The following MET variants were observed in gnomAD, a reference collection of about 807,000 sequenced individuals.
The protein encoded by MET is MET proto-oncogene, receptor tyrosine kinase.
In MET, 48 loss-of-function variants were observed where a neutral mutation model predicts 133.1. The ratio of observed to expected loss-of-function variants is 0.36; its 90% confidence interval spans 0.29 to 0.46. The LOEUF is 0.46. Among genes scored for constraint, MET ranks in the 20% least tolerant of loss-of-function variants. The pLI is 1.00. For missense variants in MET, 1,442 were observed against 1,695.9 expected (o/e 0.85, Z 2.63); for synonymous variants, 628 against 616.5 (o/e 1.02, Z -0.28).
rs202236031 is a variant in MET at position 116,731,674 on chromosome 7, C to A, written c.1207C>A (p.Leu403Met). ...TGACCATATTTTATTCCAGACACTT[C>A]TGAGAAATTCATCAGGCTGTGAAGC... ...NHEHCFNRTLLRNSSGCEARR... is the reference protein window; with the variant it reads ...NHEHCFNRTLMRNSSGCEARR... Residue 403 changes from leucine to methionine, a missense_variant, in exon 3 of 21, where the codon CTG (leucine) becomes ATG (methionine). Leu to Met is a conservative substitution (Grantham distance 15, BLOSUM62 2). Transcript: ENST00000397752. 6.2e-7 allele frequency: 1 copy of A among 1,614,112 alleles called. No individual in the cohort carries two copies. The highest frequency in any genetic ancestry group is 8.5e-7 in the Non-Finnish European group (1 of 1,179,952).
intron 1 of MET, among the ~76,000 whole-genome samples, chr7:116,679,928 T>C (rs1478651227): frequency 1.3e-5 from 2 of 152,220 alleles, no homozygotes; most frequent in African/African-American, 4.8e-5. Flanking sequence ...ACTATCATGC[T>C]AAAATATAGG....
intron 3 of MET, among the ~76,000 whole-genome samples, chr7:116,736,210 A>C (rs995802187): frequency 3.9e-5 from 6 of 152,190 alleles, no homozygotes; most frequent in Non-Finnish European, 8.8e-5. Context: ...TTTATATGAA[A>C]TATCTAGAAT....
At chr7:116,702,223 C>A (rs775309451) in intron 2 of MET, among the ~76,000 whole-genome samples, 1 of 152,202 alleles carries the variant, frequency 6.6e-6, no homozygotes, top group Non-Finnish European at 1.5e-5. Flanking sequence ...AAAATTCTTG[C>A]GGGAAACAAG....
chr7:116,674,351 G>A (rs62469051), intron 1 of MET, among the ~76,000 whole-genome samples: 40,257 of 151,922 alleles, frequency 0.26, 5,808 homozygotes, highest in East Asian at 0.41. Flanking sequence ...TTGCTAAGCA[G>A]GAGAAATACC....
At chr7:116,683,956 A>G (rs1796452771) in intron 1 of MET, among the ~76,000 whole-genome samples, 3 of 152,194 alleles carry the variant, frequency 2.0e-5, no homozygotes. Context: ...GTGACTTCCA[A>G]TACACCGATG....
rs769073123 is a variant in MET at position 116,755,442 on chromosome 7, G to C, written c.1789G>C (p.Asp597His). ...DFGFRRNNKF[D>H]LKKTRVLLGN... ...TGGATTTCGGAGGAATAATAAATTT[G>C]ATTTAAAGAAAACTAGAGTTCTCCT... The change falls in exon 6 of 21, where the codon GAT (aspartate) becomes CAT (histidine). Residue 597 changes from aspartate (D) to histidine (H), a missense_variant. Physicochemically the swap from Asp to His is moderately conservative, Grantham distance 81. Coordinates refer to ENST00000397752, the MANE Select transcript of MET (RefSeq NM_000245.4). 3.7e-6 allele frequency: 6 copies of C among 1,614,094 alleles called. No individual in the cohort carries two copies. The highest frequency in any genetic ancestry group is 5.1e-6 in the Non-Finnish European group (6 of 1,180,014).
At chr7:116,733,659 A>T (rs1192291588) in intron 3 of MET, among the ~76,000 whole-genome samples, 1 of 152,188 alleles carries the variant, frequency 6.6e-6, no homozygotes, top group Non-Finnish European at 1.5e-5. Context: ...CCTATTAACT[A>T]TGCATCCAAA....
intron 1 of MET, among the ~76,000 whole-genome samples, chr7:116,691,213 C>A (rs1796769333): frequency 1.3e-5 from 2 of 152,064 alleles, no homozygotes. Context: ...TCCATTATTT[C>A]CATTTTGAGA....
chr7:116,741,452 A>G (rs558889725), intron 5 of MET, among the ~76,000 whole-genome samples: 1 of 152,282 alleles, frequency 6.6e-6, no homozygotes, highest in African/African-American at 2.4e-5. Flanking sequence ...CCCAGACATG[A>G]GCCTCCATCA....
chr7:116,780,575 A>G (rs189874389), intron 17 of MET, among the ~76,000 whole-genome samples: 1 of 152,310 alleles, frequency 6.6e-6, no homozygotes, highest in Admixed American at 6.5e-5. Context: ...AAAGCATGAT[A>G]GAGATTTCCT....
At chr7:116,774,642 T>C (rs1794934820) in intron 14 of MET, among the ~76,000 whole-genome samples, 1 of 152,216 alleles carries the variant, frequency 6.6e-6, no homozygotes, top group Non-Finnish European at 1.5e-5. Flanking sequence ...TTTTTGCTAT[T>C]GATAAAGAGA....
chr7:116,766,203 T>A (rs967179088), intron 11 of MET, among the ~76,000 whole-genome samples: 4 of 152,234 alleles, frequency 2.6e-5, no homozygotes, highest in Non-Finnish European at 5.9e-5. Flanking sequence ...AAGTATTCTG[T>A]TTCATGCTGG....
At chr7:116,723,763 C>T (rs1792604824) in intron 2 of MET, among the ~76,000 whole-genome samples, 3 of 152,114 alleles carry the variant, frequency 2.0e-5, no homozygotes, top group Non-Finnish European at 2.9e-5. Flanking sequence ...CAGTGTGCCC[C>T]TGCTGGGGGG....
intron 19 of MET, among the ~76,000 whole-genome samples, chr7:116,791,093 A>G (rs1795477599): frequency 6.6e-6 from 1 of 152,140 alleles, no homozygotes; most frequent in East Asian, 1.9e-4. Context: ...AATAATAATA[A>G]AGAACATTTG....
chr7:116,701,604 A>T (rs573497782), intron 2 of MET, among the ~76,000 whole-genome samples: 3 of 152,310 alleles, frequency 2.0e-5, no homozygotes, highest in African/African-American at 7.2e-5. Flanking sequence ...TATACATAAC[A>T]TAAATGCACA....
intron 5 of MET, among the ~76,000 whole-genome samples, chr7:116,751,649 T>C (rs1489151494): frequency 6.6e-6 from 1 of 152,208 alleles, no homozygotes; most frequent in Non-Finnish European, 1.5e-5. Context: ...CCCATTATTT[T>C]GCTTCAAACA....
In MET at chr7:116,704,702, G is replaced by A. The variant is rs1791721134; in HGVS notation, c.1200+4418G>A. Among the ~76,000 whole-genome samples, 2 of 151,996 alleles carry A rather than the reference G, an allele frequency of 1.3e-5. 1 individual carries two copies. Among genetic ancestry groups the A allele is most frequent in the Admixed American group, 1.3e-4 (2 of 15,252 alleles). On this transcript the variant is annotated intron_variant, in intron 2 of 20. Coordinates refer to ENST00000397752, the MANE Select transcript of MET (RefSeq NM_000245.4). ...GGTAGTTTGAGGGGGCAGAGGATGG[G>A]GAGAAAGACAATTGAATCAAAACTG... is the stretch of plus-strand genomic sequence containing the variant.
At chr7:116,789,047 G>A (rs1350496151) in intron 19 of MET, among the ~76,000 whole-genome samples, 1 of 152,126 alleles carries the variant, frequency 6.6e-6, no homozygotes, top group Non-Finnish European at 1.5e-5. Context: ...GCCCTTATCT[G>A]CCTCATCTTT....
At chr7:116,744,927 A>G (rs1793609656) in intron 5 of MET, among the ~76,000 whole-genome samples, 2 of 152,356 alleles carry the variant, frequency 1.3e-5, no homozygotes, top group Admixed American at 1.3e-4. Flanking sequence ...ATTTCTGGCC[A>G]GGACAAACAG....
Sources: allele counts gnomAD v4.1 joint callset (sites outside exome capture counted in the v4.1 genomes callset), GRCh38; gene constraint gnomAD v4.1.1; transcripts MANE v1.5; gene names NCBI Gene and HGNC (gene_info 2026-07-23, HGNC 2026-07-21).